Variants in NDUFB7 observed in about 807,000 individuals in gnomAD.
NDUFB7 encodes the protein NADH dehydrogenase [ubiquinone] 1 beta subcomplex subunit 7.
A neutral mutation model predicts 14.7 loss-of-function variants in NDUFB7; 18 were observed. The ratio of observed to expected loss-of-function variants is 1.22; its 90% CI spans 0.85 to 1.81. NDUFB7 has a LOEUF of 1.81. Ranked by LOEUF, NDUFB7 falls within the 40% of genes most tolerant of loss-of-function variation. The pLI is 0.00. For missense variants in NDUFB7, 219 were observed against 195.0 expected (o/e 1.12, Z -0.73); for synonymous variants, 86 against 76.1 (o/e 1.13, Z -0.68).
chr19:14,566,499 C>G (rs1472931194), intron 2 of NDUFB7, among the ~76,000 whole-genome samples: 1 of 151,856 alleles, frequency 6.6e-6, no homozygotes, highest in Non-Finnish European at 1.5e-5. Context: ...CTGTCCCCAT[C>G]AAACAGGCCC....
intron 2 of NDUFB7, among the ~76,000 whole-genome samples, 197 bp downstream of exon 2, chr19:14,566,568 A>C (rs1480776690): frequency 7.0e-6 from 1 of 143,124 alleles, no homozygotes; most frequent in Non-Finnish European, 1.5e-5. Context: ...GTGGCAGTTC[A>C]GGTCCCTGGC....
chr19:14,566,913 C>G lies in NDUFB7; in HGVS notation c.133G>C (p.Glu45Gln). Residue 45 changes from glutamate (E) to glutamine (Q), a missense_variant, in exon 2 of 3, where the codon GAG becomes CAG. Coordinates refer to ENST00000215565, the MANE Select transcript of NDUFB7 (RefSeq NM_004146.6). Reference protein sequence around the residue: ...KEREMVATQQEMMDAQLRLQL... With the variant: ...KEREMVATQQQMMDAQLRLQL... Reference sequence around the variant, plus strand: ...AGCCTCAGCTGCGCGTCCATCATCTCCTGCTGTGTGGCCACCATCTCTGCA... The same window carrying G: ...AGCCTCAGCTGCGCGTCCATCATCTGCTGCTGTGTGGCCACCATCTCTGCA... 6.3e-7 allele frequency: 1 copy of G among 1,585,498 alleles called. No individual in the cohort carries two copies. The highest frequency in any genetic ancestry group is 8.5e-7 in the Non-Finnish European group (1 of 1,170,024).
Position 14,567,713 on chromosome 19 carries a change from T to G in NDUFB7, c.113-780A>C, listed in dbSNP as rs150037246. 2.0e-3 allele frequency among the ~76,000 whole-genome samples: 309 copies of G among 152,012 alleles called. 2 individuals carry two copies. Among genetic ancestry groups the G allele is most frequent in the African/African-American group, 7.2e-3 (297 of 41,440 alleles). ...GCCCTCCTGACGTCCACCACATCTT[T>G]CTCGGTCCCAGCTCCTTCCCATCTG... On this transcript the variant is annotated intron_variant, in intron 1 of 2. Transcript: ENST00000215565. This position sits in a 1 kb window ranked among gnomAD's most constrained non-coding sequence, Gnocchi z 5.1.
At chr19:14,566,638 G>A in intron 2 of NDUFB7, 127 bp downstream of exon 2, 1 of 875,200 alleles carries the variant, frequency 1.1e-6, no homozygotes, top group Non-Finnish European at 1.7e-6. Flanking sequence ...GTGGGTGTTG[G>A]CGGGGGTGGG....
intron 2 of NDUFB7, 30 bp downstream of exon 2, chr19:14,566,735 G>C: frequency 6.5e-7 from 1 of 1,527,788 alleles, no homozygotes; most frequent in East Asian, 2.5e-5. Flanking sequence ...TGCGGGCCGG[G>C]GTGTTGGGGG....
intron 1 of NDUFB7, among the ~76,000 whole-genome samples, chr19:14,569,012 T>C (rs1568437590): frequency 6.6e-6 from 1 of 151,900 alleles, no homozygotes; most frequent in African/African-American, 2.4e-5. Flanking sequence ...CTGTCTCTAC[T>C]AAAAATACAA....
intron 2 of NDUFB7, among the ~76,000 whole-genome samples, chr19:14,566,522 C>G (rs931948895): frequency 2.0e-5 from 3 of 151,620 alleles, no homozygotes; most frequent in African/African-American, 4.9e-5. Context: ...AGAGAGCCCT[C>G]TCTGGGACTA....
chr19:14,567,035 G>A lies in NDUFB7; in HGVS notation c.113-102C>T, dbSNP rs551461342. 3 of 1,238,844 alleles carry A rather than the reference G, an allele frequency of 2.4e-6. No homozygotes were observed. The highest frequency in any genetic ancestry group is 2.9e-5 in the South Asian group (2 of 69,592). 76.7% of individuals were successfully genotyped at this position (1,238,844 alleles called of 1,614,324 possible). A position where few individuals can be genotyped will look rare whatever the true frequency, so the allele number is the denominator to read the frequency against. ...ACACGGCTTCAGGAAGGCACGGCTT[G>A]GGGTGTCCCCCATTCACATCCAGAT... On this transcript the variant is annotated intron_variant, in intron 1 of 2. Transcript: ENST00000215565. The surrounding 1 kb of genome is among the most constrained non-coding windows in gnomAD (Gnocchi z 5.1).
chr19:14,571,721 C>A (rs1157567591), intron 1 of NDUFB7, among the ~76,000 whole-genome samples, 168 bp downstream of exon 1: 1 of 152,246 alleles, frequency 6.6e-6, no homozygotes, highest in Non-Finnish European at 1.5e-5. Flanking sequence ...TGGAACGCCT[C>A]CACACTGAGG....
chr19:14,566,112 A>G lies in NDUFB7; in HGVS notation c.*21T>C, dbSNP rs760359579. The G allele has an allele frequency of 6.2e-7, 1 of 1,601,410 alleles. No homozygotes were observed. The highest frequency in any genetic ancestry group is 1.3e-5 in the African/African-American group (1 of 74,810). The stretch of plus-strand genomic sequence containing the variant: ...CTGAAGGCTTTTATTTGACTGGTCC[A>G]TAGGGTGGGGGGTGCACCCCCTACA... On this transcript the variant is annotated 3_prime_UTR_variant, in exon 3 of 3. Transcript: ENST00000215565.
rs767385573 is a variant in NDUFB7 at position 14,566,782 on chromosome 19, G to A, written c.264C>T (p.Asp88=). ...LACKQERHDW[D]YCEHRDYVMR... ...GTGCTCACTCGCGGTGCTCGCAGTA[G>A]TCCCAGTCGTGCCGCTCCTGCTTGC... The change falls in exon 2 of 3, where the codon GAC becomes GAT. Residue 88 remains aspartate (D), a synonymous_variant. Transcript: ENST00000215565. 10 of 1,545,324 alleles carry A rather than the reference G, an allele frequency of 6.5e-6. No individual in the cohort carries two copies. The African/African-American group carries it at 1.1e-4, about 17-fold the overall frequency.
intron 1 of NDUFB7, among the ~76,000 whole-genome samples, chr19:14,571,030 C>T (rs2074122041): frequency 6.6e-6 from 1 of 151,924 alleles, no homozygotes; most frequent in African/African-American, 2.4e-5. Flanking sequence ...TCCTGGGGCG[C>T]TCCTGTAGTC....
chr19:14,566,339 G>C, intron 2 of NDUFB7, 74 bp from the exon 3 acceptor site: 1 of 1,603,612 alleles, frequency 6.2e-7, no homozygotes, highest in Non-Finnish European at 8.5e-7. Context: ...GGAAGCGGAG[G>C]GGCCGTCCCA....
Position 14,566,086 on chromosome 19 carries a change from C to T in NDUFB7, c.*47G>A. 6.3e-7 allele frequency: 1 copy of T among 1,577,170 alleles called. No homozygotes were observed. The highest frequency in any genetic ancestry group is 8.6e-7 in the Non-Finnish European group (1 of 1,160,540). On this transcript the variant is annotated 3_prime_UTR_variant, in exon 3 of 3. Coordinates refer to ENST00000215565, the MANE Select transcript of NDUFB7 (RefSeq NM_004146.6). ...GTAAGAGGGGACTCTGGTTGAGGGG[C>T]CTGAAGGCTTTTATTTGACTGGTCC...
intron 1 of NDUFB7, among the ~76,000 whole-genome samples, chr19:14,569,512 C>T (rs576244751): frequency 2.6e-5 from 4 of 152,156 alleles, no homozygotes; most frequent in African/African-American, 9.6e-5. Context: ...CGGGGATAGG[C>T]ACCAAGGAAG....
At chr19:14,569,569 GGTTGCTAGC>G (rs1304845208) in intron 1 of NDUFB7, among the ~76,000 whole-genome samples, 1 of 152,176 alleles carries the variant, frequency 6.6e-6, no homozygotes, top group Non-Finnish European at 1.5e-5. Flanking sequence ...AAGGGCAGCA[GGTTGCTAGC>G]GTTTGCAAAG....
chr19:14,569,048 A>G (rs1173473663), intron 1 of NDUFB7, among the ~76,000 whole-genome samples: 1 of 152,002 alleles, frequency 6.6e-6, no homozygotes, highest in Admixed American at 6.6e-5. Flanking sequence ...GGTGGCACGC[A>G]CCTGTAATCC....
Position 14,566,850 on chromosome 19 carries a change from G to T in NDUFB7, c.196C>A (p.Leu66Met), listed in dbSNP as rs779698282. 3 of 1,566,112 alleles carry T rather than the reference G, an allele frequency of 1.9e-6. No individual in the cohort carries two copies. Among genetic ancestry groups the T allele is most frequent in the South Asian group, 2.3e-5 (2 of 85,646 alleles). The change falls in exon 2 of 3, where the codon CTG becomes ATG. Residue 66 changes from leucine (L) to methionine (M), a missense_variant. Transcript: ENST00000215565. ...AAGCTGTCACGCTTGCACTTGAGCA[G>T]CCGGATGAGGTGGTGGGCGCAGTAG... ...RDYCAHHLIR[L>M]LKCKRDSFPN...
Position 14,570,268 on chromosome 19 carries a change from C to T in NDUFB7, c.112+1621G>A, listed in dbSNP as rs35735780. Among the ~76,000 whole-genome samples, 827 of 150,658 alleles carry T rather than the reference C, an allele frequency of 5.5e-3. 9 individuals are homozygous for T. The highest frequency in any genetic ancestry group is 0.052 in the Middle Eastern group (15 of 288). ...AGGCTGGAGTGCAGTGGTGTGATCT[C>T]GGCTCACTATAACCTCTGCCTCCTG... On this transcript the variant is annotated intron_variant, in intron 1 of 2. Transcript: ENST00000215565.
Sources: gnomAD v4.1 joint callset for allele counts (sites outside exome capture counted in the v4.1 genomes callset) on GRCh38, gnomAD v4.1.1 for gene constraint, Gnocchi (gnomAD v3.1) non-coding constraint, MANE v1.5 for transcripts, NCBI Gene and HGNC (gene_info 2026-07-23, HGNC 2026-07-21) for gene names.